Variants in TTLL8 observed in about 807,000 individuals in gnomAD.
TTLL8 encodes the protein protein monoglycylase TTLL8.
In TTLL8, 65 loss-of-function variants were observed where a neutral mutation model predicts 77.8. That is an observed-to-expected ratio of 0.84 (90% confidence interval 0.68 to 1.03). The LOEUF is 1.03. Ranked by LOEUF, TTLL8 falls within the 50% of genes least tolerant of loss-of-function variation. The pLI, the probability that TTLL8 is intolerant of heterozygous loss-of-function variation, is 0.00. For synonymous variants in TTLL8, 402 were observed against 422.8 expected, an observed-to-expected ratio of 0.95 and a Z score of 0.60; for missense variants, 910 against 1,004.5, an observed-to-expected ratio of 0.91 and a Z score of 1.27.
intron 12 of TTLL8, among the ~76,000 whole-genome samples, chr22:50,028,114 G>A (rs137891): frequency 0.47 from 71,205 of 152,066 alleles, 17,270 homozygotes; most frequent in Admixed American, 0.54. Context: ...CGGGGACTCT[G>A]AAGGCAGGCA....
chr22:50,051,477 A>T (rs1166486047), intron 1 of TTLL8, among the ~76,000 whole-genome samples: 1 of 152,206 alleles, frequency 6.6e-6, no homozygotes, highest in Non-Finnish European at 1.5e-5. Context: ...TGCAGTTGTG[A>T]ACTGAGCTGC....
In TTLL8 at chr22:50,034,692, C is replaced by T. The variant is rs920173912; in HGVS notation, c.922-230G>A. Among the ~76,000 whole-genome samples, 1 of 151,846 alleles carries T rather than the reference C, an allele frequency of 6.6e-6. No homozygotes were observed. Among genetic ancestry groups the T allele is most frequent in the African/African-American group, 2.4e-5 (1 of 41,308 alleles). On this transcript the variant is annotated intron_variant, in intron 8 of 13. Coordinates refer to ENST00000266182, the Ensembl canonical transcript of TTLL8. The surrounding 1 kb of genome is among the most constrained non-coding windows in gnomAD (Gnocchi z 4.1). Reference sequence around the variant, plus strand: ...CACAGCCCTGTGAGGCTGCTCCAGACGAGGGCTGTGTTAAGACAGTGGGGA... The same window carrying T: ...CACAGCCCTGTGAGGCTGCTCCAGATGAGGGCTGTGTTAAGACAGTGGGGA...
At chr22:50,020,218 A>ATCCTCCATCTGACATGTAC (rs1569217107) in intron 12 of TTLL8, among the ~76,000 whole-genome samples, 1 of 151,252 alleles carries the variant, frequency 6.6e-6, no homozygotes, top group Non-Finnish European at 1.5e-5. Flanking sequence ...ATGACTCACA[A>ATCCTCCATCTGACATGTAC]TCCTCCATCT....
At chr22:50,031,272 G>A (rs987647296) in intron 11 of TTLL8, among the ~76,000 whole-genome samples, 25 of 152,198 alleles carry the variant, frequency 1.6e-4, no homozygotes, top group African/African-American at 5.3e-4. Flanking sequence ...GGAGGCCCGC[G>A]AAAGATCCTC....
intron 1 of TTLL8, among the ~76,000 whole-genome samples, chr22:50,053,119 G>A (rs899390986): frequency 6.6e-6 from 1 of 152,018 alleles, no homozygotes; most frequent in African/African-American, 2.4e-5. Context: ...CTACTCAGGA[G>A]GCTGAGGCAG....
chr22:50,027,235 C>CAA (rs561709418), intron 12 of TTLL8, among the ~76,000 whole-genome samples: 13 of 110,746 alleles, frequency 1.2e-4, no homozygotes, highest in South Asian at 2.9e-4. Flanking sequence ...GACTCCGTCT[C>CAA]AAAAAAAAAA....
intron 1 of TTLL8, among the ~76,000 whole-genome samples, chr22:50,053,325 C>A (rs2061454174): frequency 1.3e-5 from 2 of 151,970 alleles, no homozygotes; most frequent in Admixed American, 1.3e-4. Flanking sequence ...TAACATTGCA[C>A]ATAGCACATT....
At chr22:50,046,952 G>T in intron 4 of TTLL8, 1 of 490,928 alleles carries the variant, frequency 2.0e-6, no homozygotes, top group Non-Finnish European at 2.6e-6. Context: ...CTGGGGCCCC[G>T]GATTCACCCA....
At chr22:50,023,684 A>AAAAT (rs56403599) in intron 12 of TTLL8, among the ~76,000 whole-genome samples, 4,286 of 149,470 alleles carry the variant, frequency 0.029, 127 homozygotes, top group African/African-American at 0.072. Context: ...ACTCCGTCTC[A>AAAAT]AAATAAATAA....
chr22:50,026,482 G>T (rs947953677), intron 12 of TTLL8, among the ~76,000 whole-genome samples: 4 of 149,396 alleles, frequency 2.7e-5, no homozygotes, highest in African/African-American at 9.9e-5. Context: ...AGAGTGGAGG[G>T]TCAGACACGG....
At chr22:50,057,357 GTCAGGTCTGGGTTGGGGGA>G (rs2061478716), upstream of TTLL8, among the ~76,000 whole-genome samples, 1 of 91,082 alleles carries the variant, frequency 1.1e-5, no homozygotes, top group Non-Finnish European at 2.0e-5. Flanking sequence ...TGGGTTGTGA[GTCAGGTCTGGGTTGGGGGA>G]TCAGGTCTGG....
chr22:50,053,083 A>G (rs1021314321), intron 1 of TTLL8, among the ~76,000 whole-genome samples: 1 of 152,118 alleles, frequency 6.6e-6, no homozygotes, highest in African/African-American at 2.4e-5. Flanking sequence ...TTAGCCGAGC[A>G]TGGTGGTGCA....
At position 50,030,929 on chromosome 22, in the gene TTLL8, T is replaced by G; in HGVS notation, c.1708-4A>C. On this transcript the variant is annotated splice_region_variant and splice_polypyrimidine_tract_variant and intron_variant, in intron 11 of 13. Coordinates refer to ENST00000266182, the Ensembl canonical transcript of TTLL8. ...ATGGGGGCGGCTCAACCACCGGCTGTGGGGAAGGAACAGGTTGGGGTGCTG... is the reference window on the plus strand; with the variant it reads ...ATGGGGGCGGCTCAACCACCGGCTGGGGGGAAGGAACAGGTTGGGGTGCTG... 7.6e-7 allele frequency: 1 copy of G among 1,315,908 alleles called. No individual in the cohort carries two copies. Among genetic ancestry groups the G allele is most frequent in the Non-Finnish European group, 1.0e-6 (1 of 1,004,068 alleles). 81.5% of individuals were successfully genotyped at this position (1,315,908 alleles called of 1,614,324 possible).
Position 50,047,529 on chromosome 22 carries a change from G to C in TTLL8, c.265-233C>G, listed in dbSNP as rs535248308. ...GCCTCGGGCTCTGGGGGGCCACCCC[G>C]ATGTGGGGCTGCAGGTGGGGTCTGA... On this transcript the variant is annotated intron_variant, in intron 3 of 13. Transcript: ENST00000266182. Among the ~76,000 whole-genome samples, 233 of 152,318 alleles carry C rather than the reference G, an allele frequency of 1.5e-3. 1 individual carries two copies. The highest frequency in any genetic ancestry group is 0.01 in the Middle Eastern group (3 of 294).
chr22:50,018,667 C>G (rs1327578704), intron 12 of TTLL8, among the ~76,000 whole-genome samples: 1 of 152,226 alleles, frequency 6.6e-6, no homozygotes, highest in African/African-American at 2.4e-5. Flanking sequence ...AGAGTGATGG[C>G]TGACTCTGCT....
At chr22:50,029,793 C>T (rs914459858) in intron 12 of TTLL8, among the ~76,000 whole-genome samples, 7 of 152,130 alleles carry the variant, frequency 4.6e-5, no homozygotes, top group African/African-American at 1.7e-4. Context: ...CACGCCCTCG[C>T]GAGGACCCCC....
At chr22:50,033,564 GC>G in intron 9 of TTLL8, 119 bp from the exon 11 acceptor site, 1 of 901,530 alleles carries the variant, frequency 1.1e-6, no homozygotes, top group Non-Finnish European at 1.5e-6. Context: ...TTTGTCCAAG[GC>G]CAGCAGGCAG....
chr22:50,031,859 A>G (rs369322747), exon 11 of TTLL8: 2 of 1,367,214 alleles, frequency 1.5e-6, no homozygotes, highest in African/African-American at 3.0e-5. Flanking sequence ...CCAAGGACGA[A>G]GTCAGCCCCG....
At chr22:50,023,231 G>A (rs544472653) in intron 12 of TTLL8, among the ~76,000 whole-genome samples, 67 of 152,232 alleles carry the variant, frequency 4.4e-4, no homozygotes, top group Admixed American at 1.1e-3. Flanking sequence ...TGAAAACTAT[G>A]CAATAATATT....
Sources: allele counts gnomAD v4.1 joint callset (sites outside exome capture counted in the v4.1 genomes callset), GRCh38; gene constraint gnomAD v4.1.1; non-coding constraint Gnocchi (gnomAD v3.1); transcripts MANE v1.5; gene names NCBI Gene and HGNC (gene_info 2026-07-23, HGNC 2026-07-21).